Variants in DEPDC5 observed in about 807,000 individuals in gnomAD.
DEPDC5 encodes DEP domain containing 5, GATOR1 subcomplex subunit.
In DEPDC5, 73 loss-of-function variants were observed where a neutral mutation model predicts 217.3. The observed-to-expected ratio is 0.34, with a 90% CI of 0.28 to 0.41. The LOEUF is 0.41. Among genes scored for constraint, DEPDC5 ranks in the 10% least tolerant of loss-of-function variants. The pLI, the probability that DEPDC5 is intolerant of heterozygous loss-of-function variation, is 1.00. For missense variants in DEPDC5, 1,675 were observed against 2,070.1 expected, an observed-to-expected ratio of 0.81 and a Z score of 3.70; for synonymous variants, 733 against 756.7, an observed-to-expected ratio of 0.97 and a Z score of 0.51.
intron 14 of DEPDC5, among the ~76,000 whole-genome samples, chr22:31,802,086 A>G (rs902003456): frequency 2.0e-5 from 3 of 147,938 alleles, no homozygotes; most frequent in Non-Finnish European, 3.0e-5. Flanking sequence ...AAGTTTTACT[A>G]CAGATTCATT....
intron 14 of DEPDC5, among the ~76,000 whole-genome samples, chr22:31,800,932 C>T (rs1005410759): frequency 6.7e-5 from 10 of 150,096 alleles, no homozygotes; most frequent in Admixed American, 4.0e-4. Context: ...GCAGAGATCA[C>T]GCCGCTGCAC....
At chr22:31,793,353 A>C (rs1046999632) in intron 12 of DEPDC5, among the ~76,000 whole-genome samples, 1 of 152,060 alleles carries the variant, frequency 6.6e-6, no homozygotes, top group Non-Finnish European at 1.5e-5. Flanking sequence ...TATTGTGAAA[A>C]ATTTCAACAT....
At chr22:31,837,201 C>CG in intron 26 of DEPDC5, 46 bp downstream of exon 26, 1 of 1,598,968 alleles carries the variant, frequency 6.3e-7, no homozygotes, top group Non-Finnish European at 8.5e-7. Context: ...GTGAGGGTTT[C>CG]GGATATATCC....
Position 31,897,575 on chromosome 22 carries a change from G to A in DEPDC5, c.4297G>A (p.Asp1433Asn), listed in dbSNP as rs766385762. Residue 1433 changes from aspartate to asparagine, a missense_variant, in exon 40 of 43, where the codon GAC becomes AAC. By Grantham distance (23) the Asp-to-Asn change is conservative. This residue lies in a region of DEPDC5 where 182 missense variants were observed against 290.1 expected (regional missense o/e 0.63). Transcript: ENST00000651528. ...PFALPSYLYG[D>N]PLRAQLFIPL... is the part of the protein sequence containing the mutation. ...TGCACTGCCCAGTTACCTGTATGGC[G>A]ACCCCCTTCGTGCCCAGCTCTTCAT... 4 of 1,614,108 alleles carry A rather than the reference G, an allele frequency of 2.5e-6. No homozygotes were observed. The highest frequency in any genetic ancestry group is 2.5e-6 in the Non-Finnish European group (3 of 1,180,022).
At chr22:31,787,426 A>G (rs764480421) in intron 10 of DEPDC5, among the ~76,000 whole-genome samples, 1 of 152,190 alleles carries the variant, frequency 6.6e-6, no homozygotes, top group Admixed American at 6.5e-5. Context: ...TTTCTTAGAT[A>G]TAACACCAAA....
intron 25 of DEPDC5, among the ~76,000 whole-genome samples, chr22:31,835,799 A>G (rs2090950240): frequency 6.6e-6 from 1 of 152,000 alleles, no homozygotes; most frequent in South Asian, 2.1e-4. Context: ...TAGAGCATGA[A>G]TTAGATCTGT....
At chr22:31,758,838 T>TA (rs942819039) in intron 3 of DEPDC5, among the ~76,000 whole-genome samples, 32 of 149,854 alleles carry the variant, frequency 2.1e-4, no homozygotes, top group Admixed American at 5.3e-4. Context: ...GACCCTGTCT[T>TA]AAAAAAAAAT....
rs772308661 is a variant in DEPDC5, at chr22:31,843,884, T to C, written c.2801+72T>C. 8.4e-6 allele frequency: 12 copies of C among 1,431,938 alleles called. 1 individual carries two copies. Among genetic ancestry groups the C allele is most frequent in the Middle Eastern group, 2.2e-4 (1 of 4,526 alleles). The allele number at this position is 1,431,938 out of a possible 1,614,324, so 88.7% of individuals were successfully genotyped here. A position where few individuals can be genotyped will look rare whatever the true frequency, so the allele number is the denominator to read the frequency against. On this transcript the variant is annotated intron_variant, in intron 29 of 42. Transcript: ENST00000651528. ...GATGTGTATGTGTATTTTAACACTT[T>C]CTGCCCTTTCTCTCTCTCTCCCTTT...
chr22:31,893,280 G>A (rs1319665809), intron 38 of DEPDC5, among the ~76,000 whole-genome samples: 1 of 152,094 alleles, frequency 6.6e-6, no homozygotes, highest in Non-Finnish European at 1.5e-5. Context: ...CTTTTATAAA[G>A]TTTTATTGGA....
At chr22:31,814,446 T>A (rs1363145872) in intron 20 of DEPDC5, 1 of 153,798 alleles carries the variant, frequency 6.5e-6, no homozygotes, top group African/African-American at 2.4e-5. Context: ...CTAAACAAGA[T>A]CCACTTTTTG....
At position 31,837,285 on chromosome 22, in the gene DEPDC5, A is replaced by G. The variant is rs1223472182; in HGVS notation, c.2354+130A>G. ...TATTAAAATTGGAACGATATAGAGG[A>G]GATTAGCATGGCCGTTAAATAAAAA... On this transcript the variant is annotated intron_variant, in intron 26 of 42. Coordinates refer to ENST00000651528, the MANE Select transcript of DEPDC5 (RefSeq NM_001242896.3). 3.6e-6 allele frequency: 3 copies of G among 839,922 alleles called. No homozygotes were observed. In the East Asian group the frequency reaches 8.7e-5, roughly 24 times the overall value. The allele number at this position is 839,922 out of a possible 1,614,324, so 52.0% of individuals were successfully genotyped here.
intron 32 of DEPDC5, among the ~76,000 whole-genome samples, chr22:31,859,287 T>A (rs1251030871): frequency 6.6e-6 from 1 of 151,524 alleles, no homozygotes; most frequent in South Asian, 2.1e-4. Flanking sequence ...GAAACAAGGT[T>A]TCACTGTGTT....
intron 38 of DEPDC5, among the ~76,000 whole-genome samples, chr22:31,883,911 C>G (rs967437378): frequency 1.3e-5 from 2 of 152,210 alleles, no homozygotes; most frequent in Non-Finnish European, 2.9e-5. Flanking sequence ...TTCTTCCCCT[C>G]TATGCCATCC....
At chr22:31,808,293 C>T (rs976993526) in intron 18 of DEPDC5, among the ~76,000 whole-genome samples, 1 of 148,776 alleles carries the variant, frequency 6.7e-6, no homozygotes, top group African/African-American at 2.5e-5. Flanking sequence ...GAGTCTCTCT[C>T]TCTGTGGCCC....
At chr22:31,758,438 C>G (rs2082113853) in intron 2 of DEPDC5, 108 bp from the exon 3 acceptor site, 1 of 915,382 alleles carries the variant, frequency 1.1e-6, no homozygotes, top group Admixed American at 1.9e-5. Context: ...CCTCATCTGT[C>G]AATGGGGTGG....
rs376744360 is a variant in DEPDC5, at chr22:31,846,904, C to A, written c.3092C>A (p.Pro1031His). Residue 1031 changes from proline (P) to histidine (H), a missense_variant, in exon 31 of 43, where the codon CCC becomes CAC. Physicochemically the swap from Pro to His is moderately conservative, Grantham distance 77 (BLOSUM62 -2). Coordinates refer to ENST00000651528, the MANE Select transcript of DEPDC5 (RefSeq NM_001242896.3). The stretch of plus-strand genomic sequence containing the variant: ...ACGCATTCTCTGGAGTCAACTGCAC[C>A]CCCAGTGGGGAAGAAGGGAACCTCA... ...ISTHSLESTAPPVGKKGTSAL... is the reference protein window; with the variant it reads ...ISTHSLESTAHPVGKKGTSAL... 189 of 1,614,208 alleles carry A rather than the reference C, an allele frequency of 1.2e-4. No individual in the cohort carries two copies. The East Asian group carries it at 3.2e-3, about 27-fold the overall frequency.
rs201202102 is a variant in DEPDC5, at chr22:31,809,613, C to T, written c.1290C>T (p.Pro430=). 840 of 1,613,692 alleles carry T rather than the reference C, an allele frequency of 5.2e-4. No homozygotes were observed. The highest frequency in any genetic ancestry group is 6.8e-4 in the Non-Finnish European group (804 of 1,179,842). ...TPRIKLAGKK[P]ASEKAKNGRD... ...TAATTATCTATTTAATTTTTCAGCC[C>T]GCCTCTGAGAAAGCAAAAAATGGCC... is the stretch of plus-strand genomic sequence containing the variant. The change falls in exon 19 of 43, where the codon CCC becomes CCT. Residue 430 remains proline (P), a splice_region_variant and synonymous_variant. Coordinates refer to ENST00000651528, the MANE Select transcript of DEPDC5 (RefSeq NM_001242896.3).
At chr22:31,820,018 A>G (rs1429693337) in intron 22 of DEPDC5, among the ~76,000 whole-genome samples, 1 of 152,166 alleles carries the variant, frequency 6.6e-6, no homozygotes, top group African/African-American at 2.4e-5. Context: ...AGAAGATGAC[A>G]GTAAGATTGT....
chr22:31,903,008 C>T (rs894020688), intron 41 of DEPDC5, among the ~76,000 whole-genome samples: 1 of 151,970 alleles, frequency 6.6e-6, no homozygotes, highest in African/African-American at 2.4e-5. Context: ...AGATCCTGGT[C>T]TATCTTCCCA....
Sources: allele counts gnomAD v4.1 joint callset (sites outside exome capture counted in the v4.1 genomes callset), GRCh38; gene constraint gnomAD v4.1.1; regional missense constraint gnomAD v4.1.1; transcripts MANE v1.5; gene names NCBI Gene and HGNC (gene_info 2026-07-23, HGNC 2026-07-21).